ADCY8: variants seen among roughly 807,000 people sequenced by gnomAD.
The protein encoded by ADCY8 is adenylate cyclase type 8.
ADCY8 carries 51 observed loss-of-function variants against 119.7 expected under a neutral mutation model. The observed-to-expected ratio is 0.43, with a 90% CI of 0.34 to 0.54. The LOEUF is 0.54. ADCY8 is among the 20% of genes least tolerant of loss of function. The pLI, the probability that ADCY8 is intolerant of heterozygous loss-of-function variation, is 0.03. For synonymous variants in ADCY8, 665 were observed against 651.0 expected, an observed-to-expected ratio of 1.02 and a Z score of -0.33; for missense variants, 1,383 against 1,598.8, an observed-to-expected ratio of 0.87 and a Z score of 2.30.
rs751200682 is a variant in ADCY8 at position 131,039,959 on chromosome 8, G to T, written c.375C>A (p.Gly125=). The T allele has an allele frequency of 9.5e-6, 15 of 1,586,946 alleles. No individual in the cohort carries two copies. The Admixed American group carries it at 2.7e-4, about 28-fold the overall frequency. The stretch of plus-strand genomic sequence containing the variant: ...AGTCAAGGTGCAGGAAGCCCAGGTC[G>T]CCCCCGCCTCCGCTGCCGCTGGCAC... ...SGSASGSGGG[G]DLGFLHLDCA... is the part of the protein sequence containing the mutation. The change falls in exon 1 of 18, where the codon GGC becomes GGA. Residue 125 remains glycine, a synonymous_variant. Transcript: ENST00000286355.
intron 8 of ADCY8, among the ~76,000 whole-genome samples, chr8:130,881,653 C>A (rs981335623): frequency 1.6e-4 from 25 of 151,966 alleles, no homozygotes; most frequent in African/African-American, 6.0e-4. Flanking sequence ...TTAAAAAATT[C>A]TAAGATATAT....
chr8:130,813,668 A>T (rs937560431), intron 14 of ADCY8, among the ~76,000 whole-genome samples: 5 of 152,152 alleles, frequency 3.3e-5, no homozygotes, highest in Non-Finnish European at 7.4e-5. Context: ...CAACTTTTTG[A>T]CTATTGTAAA....
intron 5 of ADCY8, among the ~76,000 whole-genome samples, chr8:130,932,601 T>C (rs1820664000): frequency 2.0e-5 from 3 of 152,230 alleles, no homozygotes; most frequent in Admixed American, 2.0e-4. Context: ...AATGTGCCTT[T>C]TATTATTATT....
At chr8:130,892,649 T>G (rs1035571573) in intron 7 of ADCY8, 3 of 152,288 alleles carry the variant, frequency 2.0e-5, no homozygotes, top group Admixed American at 2.0e-4. Context: ...TGGCATTAAA[T>G]GCCTCACCTC....
intron 1 of ADCY8, among the ~76,000 whole-genome samples, chr8:131,022,004 A>G (rs1033732976): frequency 1.3e-5 from 2 of 152,246 alleles, no homozygotes; most frequent in Non-Finnish European, 2.9e-5. Flanking sequence ...ATAAGTAGGA[A>G]AGAAAGGAAT....
chr8:130,964,815 G>A (rs556918175), intron 2 of ADCY8, among the ~76,000 whole-genome samples: 1 of 152,238 alleles, frequency 6.6e-6, no homozygotes, highest in South Asian at 2.1e-4. Context: ...TCCCTTTTCT[G>A]CACAGTCTCA....
intron 9 of ADCY8, among the ~76,000 whole-genome samples, chr8:130,850,932 C>A (rs867679665): frequency 3.3e-5 from 5 of 152,262 alleles, no homozygotes; most frequent in Non-Finnish European, 5.9e-5. Context: ...TTAGAATGAA[C>A]CAAAGAGGTC....
In ADCY8 at chr8:130,785,379, T is replaced by C. The variant is rs1342842167; in HGVS notation, c.3153+4A>G. 1.2e-6 allele frequency: 2 copies of C among 1,603,988 alleles called. No individual in the cohort carries two copies. The highest frequency in any genetic ancestry group is 2.7e-5 in the African/African-American group (2 of 74,496). ...ATTGTGGCTGAGTCCAAAGAGTCCT[T>C]TACCTGTTTTTCAGGTGACAGGCCT... On this transcript the variant is annotated splice_donor_region_variant and intron_variant, in intron 16 of 17. Transcript: ENST00000286355.
At chr8:131,022,021 T>G (rs565924954) in intron 1 of ADCY8, among the ~76,000 whole-genome samples, 1 of 152,348 alleles carries the variant, frequency 6.6e-6, no homozygotes, top group South Asian at 2.1e-4. Flanking sequence ...GAATTTATTT[T>G]TGTTAGTAGG....
At chr8:130,795,084 A>C (rs1176766296) in intron 15 of ADCY8, among the ~76,000 whole-genome samples, 1 of 152,232 alleles carries the variant, frequency 6.6e-6, no homozygotes, top group Admixed American at 6.5e-5. Context: ...ACCCCACAGT[A>C]TACAAAGCAT....
At chr8:131,029,074 C>G (rs1823911998) in intron 1 of ADCY8, among the ~76,000 whole-genome samples, 2 of 152,218 alleles carry the variant, frequency 1.3e-5, no homozygotes, top group African/African-American at 4.8e-5. Context: ...GCATTACCGC[C>G]TGAGCTCTGC....
At chr8:130,872,125 ATAT>A (rs1409956299) in intron 8 of ADCY8, among the ~76,000 whole-genome samples, 1 of 152,220 alleles carries the variant, frequency 6.6e-6, no homozygotes, top group Non-Finnish European at 1.5e-5. Context: ...AGGATTTGGA[ATAT>A]TATTATTTCT....
intron 1 of ADCY8, among the ~76,000 whole-genome samples, chr8:131,028,058 T>C (rs1037504936): frequency 2.5e-4 from 38 of 152,316 alleles, no homozygotes; most frequent in Non-Finnish European, 8.8e-5. Context: ...TAAAGGGCCA[T>C]GCCCTCAGAG....
intron 8 of ADCY8, among the ~76,000 whole-genome samples, chr8:130,884,132 C>G (rs1368658839): frequency 6.6e-6 from 1 of 152,126 alleles, no homozygotes; most frequent in Non-Finnish European, 1.5e-5. Flanking sequence ...TATCTAAAAT[C>G]TAAGAAAGAC....
rs755200601 is a variant in ADCY8 at position 130,783,823 on chromosome 8, A to G, written c.3154-18T>C. On this transcript the variant is annotated intron_variant, in intron 16 of 17. Transcript: ENST00000286355. ...TCACATTGCTGAAGCAAACATGAGG[A>G]GAAGAAATCATTTAATGCGGAATGT... The G allele has an allele frequency of 7.6e-6, 12 of 1,588,924 alleles. No homozygotes were observed. The highest frequency in any genetic ancestry group is 1.0e-5 in the Non-Finnish European group (12 of 1,160,022).
chr8:130,879,278 G>A (rs535476153), intron 8 of ADCY8, among the ~76,000 whole-genome samples: 2 of 152,064 alleles, frequency 1.3e-5, no homozygotes, highest in Non-Finnish European at 2.9e-5. Flanking sequence ...TGTAAAGAAG[G>A]CTCACAAATA....
intron 6 of ADCY8, among the ~76,000 whole-genome samples, chr8:130,904,978 C>A (rs1184084581): frequency 6.6e-6 from 1 of 152,178 alleles, no homozygotes; most frequent in Non-Finnish European, 1.5e-5. Flanking sequence ...TAGATTCAAA[C>A]CGTAGCTCTG....
At chr8:130,954,607 G>A (rs1821368603) in intron 2 of ADCY8, among the ~76,000 whole-genome samples, 1 of 152,276 alleles carries the variant, frequency 6.6e-6, no homozygotes. Flanking sequence ...CCTGTGGCAA[G>A]CACTACTAAG....
intron 1 of ADCY8, among the ~76,000 whole-genome samples, chr8:131,008,345 T>C (rs536795344): frequency 1.8e-4 from 27 of 152,274 alleles, no homozygotes; most frequent in African/African-American, 5.3e-4. Context: ...ATGGAGGTAA[T>C]TGAAACAATG....
Sources: allele counts gnomAD v4.1 joint callset (sites outside exome capture counted in the v4.1 genomes callset), GRCh38; gene constraint gnomAD v4.1.1; transcripts MANE v1.5; gene names NCBI Gene and HGNC (gene_info 2026-07-23, HGNC 2026-07-21).